Variants in HMCN1 observed in about 807,000 individuals in gnomAD.
The protein encoded by HMCN1 is hemicentin 1.
In HMCN1, 321 loss-of-function variants were observed where a neutral mutation model predicts 625.9. That is an observed-to-expected ratio of 0.51 (90% confidence interval 0.47 to 0.56). HMCN1 has a LOEUF of 0.56. HMCN1 is among the 20% of genes least tolerant of loss of function. The pLI, the probability that HMCN1 is intolerant of heterozygous loss-of-function variation, is 0.00. For missense variants in HMCN1, 6,588 were observed against 6,887.3 expected (o/e 0.96, Z 1.54); for synonymous variants, 2,425 against 2,417.6 (o/e 1.00, Z -0.09).
chr1:185,749,547 C>T (rs1473223458), intron 1 of HMCN1, among the ~76,000 whole-genome samples: 1 of 152,200 alleles, frequency 6.6e-6, no homozygotes, highest in East Asian at 1.9e-4. Context: ...TCAGTACAGG[C>T]ACCACATTTT....
intron 1 of HMCN1, among the ~76,000 whole-genome samples, chr1:185,777,253 T>C (rs1051771851): frequency 2.6e-5 from 4 of 152,320 alleles, no homozygotes; most frequent in African/African-American, 9.6e-5. Flanking sequence ...CATCTTCCCC[T>C]GTTCGAAGGC....
chr1:186,012,087 A>G (rs1224811555), intron 30 of HMCN1, among the ~76,000 whole-genome samples: 1 of 151,442 alleles, frequency 6.6e-6, no homozygotes, highest in African/African-American at 2.4e-5. Flanking sequence ...GAGAGCAAAC[A>G]AAATACACCA....
Position 185,984,394 on chromosome 1 carries a change from C to G in HMCN1, c.2935+81C>G. 3 of 1,289,240 alleles carry G rather than the reference C, an allele frequency of 2.3e-6. No individual in the cohort carries two copies. The East Asian group carries it at 6.9e-5, about 30-fold the overall frequency. The allele number at this position is 1,289,240 out of a possible 1,614,324, so 79.9% of individuals were successfully genotyped here. A position where few individuals can be genotyped will look rare whatever the true frequency, so the allele number is the denominator to read the frequency against. ...TATATTTTAATCAAATAACTCTGTT[C>G]CTCTAATTACAATTAGATATCTCTC... On this transcript the variant is annotated intron_variant, in intron 19 of 106. Coordinates refer to ENST00000271588, the MANE Select transcript of HMCN1 (RefSeq NM_031935.3).
chr1:186,134,429 G>A (rs1649452082), intron 86 of HMCN1, among the ~76,000 whole-genome samples: 1 of 152,066 alleles, frequency 6.6e-6, no homozygotes, highest in Non-Finnish European at 1.5e-5. Context: ...ACAGTTTATT[G>A]AATACATAAT....
chr1:185,988,581 G>A lies in HMCN1; in HGVS notation c.3049-907G>A, dbSNP rs183276622. Among the ~76,000 whole-genome samples, 145 of 152,310 alleles carry A rather than the reference G, an allele frequency of 9.5e-4. 1 individual carries two copies. Among genetic ancestry groups the A allele is most frequent in the Non-Finnish European group, 1.3e-3 (88 of 68,032 alleles). ...GAAGTGAAGCTGATCCCTGAACTGC[G>A]CAGTAACTAGCACTGAGTAGAAGTT... is the stretch of plus-strand genomic sequence containing the variant. On this transcript the variant is annotated intron_variant, in intron 20 of 106. Coordinates refer to ENST00000271588, the MANE Select transcript of HMCN1 (RefSeq NM_031935.3).
intron 11 of HMCN1, among the ~76,000 whole-genome samples, chr1:185,950,875 G>A (rs1264716796): frequency 6.6e-6 from 1 of 151,796 alleles, no homozygotes; most frequent in African/African-American, 2.4e-5. Flanking sequence ...AAAACAATTT[G>A]GTTGATAAGG....
chr1:186,070,675 T>G lies in HMCN1; in HGVS notation c.8057T>G (p.Ile2686Ser), dbSNP rs745341111. Residue 2686 changes from isoleucine to serine, a missense_variant, in exon 52 of 107, where the codon ATC (isoleucine) becomes AGC (serine). Coordinates refer to ENST00000271588, the MANE Select transcript of HMCN1 (RefSeq NM_031935.3). ...GPGLSPKEVK[I>S]KVNNTLTLEC... is the part of the protein sequence containing the mutation. ...GGTCTTTCCCCTAAAGAAGTGAAGATCAAAGTAAACAACACTCTGACCTTG... is the reference window on the plus strand; with the variant it reads ...GGTCTTTCCCCTAAAGAAGTGAAGAGCAAAGTAAACAACACTCTGACCTTG... 11 of 1,613,678 alleles carry G rather than the reference T, an allele frequency of 6.8e-6. No individual in the cohort carries two copies. In the South Asian group the frequency reaches 1.2e-4, roughly 18 times the overall value.
chr1:185,959,725 T>C (rs1649875945), intron 11 of HMCN1, among the ~76,000 whole-genome samples: 1 of 152,048 alleles, frequency 6.6e-6, no homozygotes, highest in African/African-American at 2.4e-5. Flanking sequence ...GGATTACTTC[T>C]CTCCAAAGCC....
rs116072280 is a variant in HMCN1 at position 186,163,574 on chromosome 1, C to T, written c.15257-1537C>T. 5.7e-3 allele frequency among the ~76,000 whole-genome samples: 863 copies of T among 152,192 alleles called. 9 individuals carry two copies. The highest frequency in any genetic ancestry group is 0.02 in the African/African-American group (840 of 41,536). The stretch of plus-strand genomic sequence containing the variant: ...GGCTCCTCCCCCCAATTAAGCAACT[C>T]TTAGTAATGTTCTGAATGAAACAGT... On this transcript the variant is annotated intron_variant, in intron 97 of 106. Transcript: ENST00000271588.
At chr1:185,890,284 GA>G (rs1347622708) in intron 4 of HMCN1, among the ~76,000 whole-genome samples, 2 of 147,952 alleles carry the variant, frequency 1.4e-5, no homozygotes, top group Non-Finnish European at 2.9e-5. Context: ...TTAATTTTTT[GA>G]AAGGTTTTTT....
rs770890470 is a variant in HMCN1 at position 186,061,913 on chromosome 1, G to A, written c.7375G>A (p.Val2459Ile). Residue 2459 changes from valine (V) to isoleucine (I), a missense_variant, in exon 47 of 107, where the codon GTA (valine) becomes ATA (isoleucine). By Grantham distance (29) the Val-to-Ile change is conservative. Around this residue, in one of 3 missense-constraint regions of HMCN1, gnomAD observed 4,628 missense variants for 4,853.1 expected, o/e 0.95. Coordinates refer to ENST00000271588, the MANE Select transcript of HMCN1 (RefSeq NM_031935.3). ...MEDAGQYTCV[V>I]RNAAGEERKI... ...AGATGCTGGCCAATATACTTGCGTT[G>A]TAAGGAATGCAGCTGGTGAAGAAAG... 6.2e-7 allele frequency: 1 copy of A among 1,613,126 alleles called. No homozygotes were observed. The highest frequency in any genetic ancestry group is 2.2e-5 in the East Asian group (1 of 44,812).
intron 82 of HMCN1, among the ~76,000 whole-genome samples, chr1:186,126,566 G>A (rs1226921192): frequency 6.6e-6 from 1 of 152,152 alleles, no homozygotes; most frequent in African/African-American, 2.4e-5. Flanking sequence ...TTGGGAAGGT[G>A]ACATTTGAGC....
intron 97 of HMCN1, among the ~76,000 whole-genome samples, chr1:186,157,947 T>A (rs1651143495): frequency 1.3e-5 from 2 of 152,092 alleles, no homozygotes; most frequent in African/African-American, 4.8e-5. Flanking sequence ...GTCCTTTGGG[T>A]ATATACCCAG....
At chr1:185,963,510 G>GGT (rs1025398078) in intron 12 of HMCN1, among the ~76,000 whole-genome samples, 1 of 151,096 alleles carries the variant, frequency 6.6e-6, no homozygotes, top group African/African-American at 2.5e-5. Context: ...AACTCATTAG[G>GGT]GTGAGGAAAA....
rs555686672 is a variant in HMCN1 at position 185,909,363 on chromosome 1, A to G, written c.648A>G (p.Val216=). 4.3e-6 allele frequency: 7 copies of G among 1,612,680 alleles called. No individual in the cohort carries two copies. The highest frequency in any genetic ancestry group is 2.7e-5 in the African/African-American group (2 of 74,884). The stretch of plus-strand genomic sequence containing the variant: ...TATTAAAATGGGTAGAAGAAGCAGT[A>G]CAGGCCTCCAAAGTTCACCTTTTAT... The part of the protein sequence containing the change: ...NEVLKWVEEA[V]QASKVHLLST... Residue 216 remains valine (V), a synonymous_variant, in exon 5 of 107, where the codon GTA becomes GTG. Transcript: ENST00000271588.
In HMCN1 at chr1:186,001,760, T is replaced by TA. The variant is rs780726094; in HGVS notation, c.4348+25dup. ...GTGCTAGGTAAGAAATACATCCTTTTAAAAAACTACAATTCAGAAGCATTT... is the reference window on the plus strand; with the variant it reads ...GTGCTAGGTAAGAAATACATCCTTTTAAAAAAACTACAATTCAGAAGCATTT... On this transcript the variant is annotated intron_variant, in intron 28 of 106. Transcript: ENST00000271588. 30 of 1,601,134 alleles carry TA rather than the reference T, an allele frequency of 1.9e-5. No homozygotes were observed. The highest frequency in any genetic ancestry group is 3.3e-4 in the Middle Eastern group (2 of 6,040).
At chr1:185,961,397 G>A (rs1650012620) in intron 11 of HMCN1, among the ~76,000 whole-genome samples, 1 of 152,188 alleles carries the variant, frequency 6.6e-6, no homozygotes. Flanking sequence ...CAGACAGCAT[G>A]CCTGTTAGGT....
Position 186,045,808 on chromosome 1 carries a change from A to G in HMCN1, c.6425A>G (p.His2142Arg). 6.2e-7 allele frequency: 1 copy of G among 1,613,170 alleles called. No homozygotes were observed. ...PPTLTWLKDGHPLLKKPGLSI... is the reference protein window; with the variant it reads ...PPTLTWLKDGRPLLKKPGLSI... Reference sequence around the variant, plus strand: ...ACTCTTACTTGGTTAAAAGACGGCCACCCCTTGCTGAAGAAACCAGGCCTC... The same window carrying G: ...ACTCTTACTTGGTTAAAAGACGGCCGCCCCTTGCTGAAGAAACCAGGCCTC... The change falls in exon 41 of 107, where the codon CAC becomes CGC. Residue 2142 changes from histidine (H) to arginine (R), a missense_variant. This residue lies in a region of HMCN1 where 4,628 missense variants were observed against 4,853.1 expected (regional missense o/e 0.95). Coordinates refer to ENST00000271588, the MANE Select transcript of HMCN1 (RefSeq NM_031935.3).
At chr1:185,941,844 C>G (rs1294683481) in intron 11 of HMCN1, among the ~76,000 whole-genome samples, 1 of 152,044 alleles carries the variant, frequency 6.6e-6, no homozygotes, top group Non-Finnish European at 1.5e-5. Context: ...ATTAAAGTGT[C>G]TTTAAATAGA....
Sources: gnomAD v4.1 joint callset for allele counts (sites outside exome capture counted in the v4.1 genomes callset) on GRCh38, gnomAD v4.1.1 for gene constraint, gnomAD v4.1.1 regional missense constraint, MANE v1.5 for transcripts, NCBI Gene and HGNC (gene_info 2026-07-23, HGNC 2026-07-21) for gene names.